THSD7B: variants seen among roughly 807,000 people sequenced by gnomAD.
THSD7B encodes the protein thrombospondin type 1 domain containing 7B.
A neutral mutation model predicts 213.6 loss-of-function variants in THSD7B; 138 were observed. That is an observed-to-expected ratio of 0.65 (90% CI 0.56 to 0.74). The LOEUF is 0.74. Ranked by LOEUF, THSD7B falls within the 30% of genes least tolerant of loss-of-function variation. The probability of loss-of-function intolerance (pLI) is 0.00; values close to 1 mark genes in which losing one functional copy is unlikely to be tolerated. For synonymous variants in THSD7B, 742 were observed against 687.0 expected, an observed-to-expected ratio of 1.08 and a Z score of -1.25; for missense variants, 1,931 against 1,991.5, an observed-to-expected ratio of 0.97 and a Z score of 0.58.
chr2:137,538,458 T>G (rs1380427344), intron 15 of THSD7B: 1 of 514,082 alleles, frequency 1.9e-6, no homozygotes, highest in Non-Finnish European at 3.9e-6. Context: ...CTTTTGCTTA[T>G]CATGCACTGC....
intron 3 of THSD7B, among the ~76,000 whole-genome samples, chr2:137,087,190 AT>A (rs748793588): frequency 4.6e-5 from 7 of 152,348 alleles, no homozygotes; most frequent in South Asian, 2.1e-4. Flanking sequence ...TTAAAAAAAA[AT>A]ATATGGCAAT....
At position 137,531,836 on chromosome 2, in the gene THSD7B, G is replaced by C. The variant is rs868335150; in HGVS notation, c.3139-31385G>C. Among the ~76,000 whole-genome samples, 27 of 152,054 alleles carry C rather than the reference G, an allele frequency of 1.8e-4. No homozygotes were observed. The Middle Eastern group carries it at 0.01, about 57-fold the overall frequency. ...TAAGCAGTGTTTTAAGGTCTTAGTAGGTAAAGTGTCTTCCTGGAGTGACAT... is the reference window on the plus strand; with the variant it reads ...TAAGCAGTGTTTTAAGGTCTTAGTACGTAAAGTGTCTTCCTGGAGTGACAT... On this transcript the variant is annotated intron_variant, in intron 15 of 27. Coordinates refer to ENST00000409968, the MANE Select transcript of THSD7B (RefSeq NM_001316349.2).
intron 12 of THSD7B, among the ~76,000 whole-genome samples, chr2:137,376,246 C>T (rs1685651718): frequency 6.6e-6 from 1 of 152,134 alleles, no homozygotes. Flanking sequence ...TTCATTATCT[C>T]GATAGCCTAT....
chr2:137,365,307 A>T (rs142410467), intron 12 of THSD7B, among the ~76,000 whole-genome samples: 1 of 152,192 alleles, frequency 6.6e-6, no homozygotes, highest in East Asian at 1.9e-4. Flanking sequence ...AACCTAGGCA[A>T]TGCCATTTAG....
intron 1 of THSD7B, among the ~76,000 whole-genome samples, chr2:136,854,857 A>G (rs1440755250): frequency 6.6e-6 from 1 of 152,066 alleles, no homozygotes; most frequent in Non-Finnish European, 1.5e-5. Context: ...CTTGATTGCT[A>G]GTATCTGTAG....
At chr2:137,150,919 G>T (rs921084328) in intron 5 of THSD7B, among the ~76,000 whole-genome samples, 1 of 152,092 alleles carries the variant, frequency 6.6e-6, no homozygotes, top group Admixed American at 6.5e-5. Flanking sequence ...ACATAGAAAA[G>T]ATACAGTAAA....
intron 2 of THSD7B, among the ~76,000 whole-genome samples, chr2:136,950,493 C>G (rs557224532): frequency 6.6e-6 from 1 of 152,210 alleles, no homozygotes; most frequent in Non-Finnish European, 1.5e-5. Context: ...ATTCACTGGT[C>G]CAGAAGTAGG....
rs1220684819 is a variant in THSD7B at position 136,945,589 on chromosome 2, A to G, written c.139+63272A>G. On this transcript the variant is annotated intron_variant, in intron 2 of 27. Coordinates refer to ENST00000409968, the MANE Select transcript of THSD7B (RefSeq NM_001316349.2). ...TTTTCCAGCTTGTTTCTATTCTCCCAGTCACTTTCAGGTACATCAGTCAAA... is the reference window on the plus strand; with the variant it reads ...TTTTCCAGCTTGTTTCTATTCTCCCGGTCACTTTCAGGTACATCAGTCAAA... Among the ~76,000 whole-genome samples the G allele has an allele frequency of 2.6e-5, 4 of 152,038 alleles. No homozygotes were observed. In the East Asian group the frequency reaches 7.7e-4, roughly 29 times the overall value.
At chr2:136,951,866 G>T (rs1685044253) in intron 2 of THSD7B, among the ~76,000 whole-genome samples, 1 of 151,894 alleles carries the variant, frequency 6.6e-6, no homozygotes. Context: ...ATTTTTATTG[G>T]TTTGTTTGTT....
At chr2:137,147,266 C>G (rs1302144740) in intron 5 of THSD7B, among the ~76,000 whole-genome samples, 1 of 152,096 alleles carries the variant, frequency 6.6e-6, no homozygotes, top group East Asian at 1.9e-4. Flanking sequence ...TTATGCATTT[C>G]CTCACACAGA....
At chr2:136,936,312 G>A (rs569769273) in intron 2 of THSD7B, among the ~76,000 whole-genome samples, 7 of 152,022 alleles carry the variant, frequency 4.6e-5, no homozygotes, top group Admixed American at 1.3e-4. Context: ...CAGCAATCCC[G>A]CTACTGGGTA....
intron 15 of THSD7B, among the ~76,000 whole-genome samples, chr2:137,506,434 T>C (rs923093807): frequency 1.3e-5 from 2 of 152,228 alleles, no homozygotes; most frequent in Admixed American, 6.5e-5. Context: ...TAAAAACTGA[T>C]TCTAATTCTT....
At chr2:137,011,384 G>T (rs1686228624) in intron 2 of THSD7B, among the ~76,000 whole-genome samples, 2 of 152,096 alleles carry the variant, frequency 1.3e-5, no homozygotes, top group Non-Finnish European at 2.9e-5. Context: ...CTTACAGGAG[G>T]GTTTCTGAAA....
intron 4 of THSD7B, among the ~76,000 whole-genome samples, chr2:137,112,284 A>G (rs990733504): frequency 2.6e-5 from 4 of 152,150 alleles, no homozygotes; most frequent in African/African-American, 9.7e-5. Flanking sequence ...CCATATTTTT[A>G]AAAAAAGGAA....
intron 14 of THSD7B, among the ~76,000 whole-genome samples, chr2:137,444,889 C>T (rs193162216): frequency 6.6e-6 from 1 of 151,856 alleles, no homozygotes; most frequent in Non-Finnish European, 1.5e-5. Context: ...GATTAATAAC[C>T]AGAATATAAA....
At chr2:137,614,974 G>C (rs1330617794) in intron 17 of THSD7B, among the ~76,000 whole-genome samples, 1 of 152,108 alleles carries the variant, frequency 6.6e-6, no homozygotes, top group African/African-American at 2.4e-5. Flanking sequence ...GTGATTTGAT[G>C]ATCTTCATCC....
intron 2 of THSD7B, among the ~76,000 whole-genome samples, chr2:136,971,679 A>ATATACATACATATGTATATATAT (rs1314498364): frequency 2.2e-5 from 2 of 89,728 alleles, no homozygotes; most frequent in African/African-American, 6.1e-5. Flanking sequence ...CACGATATGT[A>ATATACATACATATGTATATATAT]TATACATACA....
intron 20 of THSD7B, among the ~76,000 whole-genome samples, chr2:137,632,130 G>A (rs1384243993): frequency 3.3e-5 from 5 of 152,080 alleles, no homozygotes; most frequent in South Asian, 2.1e-4. Context: ...CACTATGATC[G>A]TGTACATCTG....
intron 1 of THSD7B, among the ~76,000 whole-genome samples, chr2:136,874,962 G>T (rs1348289901): frequency 6.6e-6 from 1 of 151,608 alleles, no homozygotes; most frequent in African/African-American, 2.4e-5. Context: ...ATCTCTAATT[G>T]TTTCTTGTCC....
Sources: gnomAD v4.1 joint callset for allele counts (sites outside exome capture counted in the v4.1 genomes callset) on GRCh38, gnomAD v4.1.1 for gene constraint, MANE v1.5 for transcripts, NCBI Gene and HGNC (gene_info 2026-07-23, HGNC 2026-07-21) for gene names.